Variants in TBL1X observed in about 807,000 individuals in gnomAD.
TBL1X encodes F-box-like/WD repeat-containing protein TBL1X.
Under a neutral mutation model 50.7 loss-of-function variants are expected in TBL1X, and 10 were observed. The observed-to-expected ratio is 0.20, with a 90% confidence interval of 0.12 to 0.33. The LOEUF (loss-of-function observed/expected upper bound fraction) is 0.33. TBL1X is among the 10% of genes least tolerant of loss of function. TBL1X has a pLI of 1.00. For missense variants in TBL1X, 340 were observed against 504.4 expected (o/e 0.67, Z 3.12); for synonymous variants, 190 against 214.7 (o/e 0.88, Z 1.01).
At chrX:9,541,224 A>G (rs963512257) in intron 2 of TBL1X, among the ~76,000 whole-genome samples, 1 of 111,544 alleles carries the variant, frequency 9.0e-6, no homozygotes, top group African/African-American at 3.3e-5. Context: ...CTTATTCATC[A>G]AATGTTAGGT....
intron 2 of TBL1X, among the ~76,000 whole-genome samples, chrX:9,606,059 T>C (rs778449086): frequency 2.7e-4 from 30 of 112,376 alleles, no homozygotes; most frequent in African/African-American, 9.4e-4. Context: ...TCAGGGTCTC[T>C]CGTGAGGTTG....
rs752482347 is a variant in TBL1X, at chrX:9,479,267, G to A, written c.-201+13820G>A. The stretch of plus-strand genomic sequence containing the variant: ...TCGAGACCAGCCTGACCAACATGGT[G>A]AAACCCCATCTCTACTAAAAATACA... On this transcript the variant is annotated intron_variant, in intron 1 of 17. Transcript: ENST00000645353. Among the ~76,000 whole-genome samples the A allele has an allele frequency of 2.0e-4, 23 of 112,530 alleles. No individual in the cohort carries two copies. In the Middle Eastern group the frequency reaches 0.023, roughly 112 times the overall value.
chrX:9,649,603 A>G (rs1357225398), intron 3 of TBL1X, among the ~76,000 whole-genome samples: 1 of 111,936 alleles, frequency 8.9e-6, no homozygotes, highest in Non-Finnish European at 1.9e-5. Flanking sequence ...AAATTAGAGG[A>G]ACAGATAATT....
At chrX:9,666,969 CA>C (rs1316115709) in intron 5 of TBL1X, among the ~76,000 whole-genome samples, 8 of 111,863 alleles carry the variant, frequency 7.2e-5, no homozygotes, top group Non-Finnish European at 1.5e-4. Flanking sequence ...TTGTCTAGTT[CA>C]GGGGATTTTA....
intron 1 of TBL1X, among the ~76,000 whole-genome samples, chrX:9,490,305 C>T (rs910048560): frequency 9.0e-6 from 1 of 111,673 alleles, no homozygotes; most frequent in African/African-American, 3.3e-5. Flanking sequence ...TCCTTGATTC[C>T]ATCTTAGAGC....
intron 2 of TBL1X, among the ~76,000 whole-genome samples, chrX:9,624,760 G>A (rs763222814): frequency 1.8e-5 from 2 of 111,911 alleles, no homozygotes; most frequent in African/African-American, 6.5e-5. Context: ...ACATGAAGAC[G>A]TTGTTAAATA....
intron 2 of TBL1X, among the ~76,000 whole-genome samples, chrX:9,624,701 G>A (rs935155551): frequency 8.9e-5 from 10 of 111,791 alleles, no homozygotes; most frequent in Non-Finnish European, 1.3e-4. Context: ...CTATTAGACT[G>A]GTAAAGTGGG....
chrX:9,491,329 TATATA>T (rs1375380229), intron 1 of TBL1X, among the ~76,000 whole-genome samples: 96 of 29,275 alleles, frequency 3.3e-3, no homozygotes, highest in African/African-American at 0.011. Context: ...TATATATATA[TATATA>T]TATATTTTTT....
At chrX:9,702,130 T>C (rs1432961420) in intron 12 of TBL1X, among the ~76,000 whole-genome samples, 1 of 111,420 alleles carries the variant, frequency 9.0e-6, no homozygotes, top group East Asian at 2.8e-4. Context: ...AGTTCAGCGC[T>C]GACTGCCTTT....
At chrX:9,633,438 A>G (rs1418063640) in intron 2 of TBL1X, among the ~76,000 whole-genome samples, 1 of 111,577 alleles carries the variant, frequency 9.0e-6, no homozygotes, top group African/African-American at 3.3e-5. Flanking sequence ...TGAGGAAATA[A>G]TGAATGCATT....
intron 2 of TBL1X, among the ~76,000 whole-genome samples, chrX:9,638,540 T>G (rs1163141801): frequency 8.9e-6 from 1 of 112,317 alleles, no homozygotes; most frequent in African/African-American, 3.2e-5. Flanking sequence ...AGATGATAAG[T>G]TAATTATACT....
At chrX:9,506,819 G>T (rs747344230) in intron 2 of TBL1X, among the ~76,000 whole-genome samples, 11 of 111,948 alleles carry the variant, frequency 9.8e-5, no homozygotes, top group African/African-American at 3.6e-4. Context: ...AAAAGCCCAG[G>T]ACCAAATGGA....
At chrX:9,654,078 T>A in intron 4 of TBL1X, 137 bp from the exon 5 acceptor site, 1 of 495,329 alleles carries the variant, frequency 2.0e-6, no homozygotes, top group East Asian at 3.8e-5. Flanking sequence ...ATCACATAAT[T>A]ATAAAATATA....
At chrX:9,639,814 A>C (rs1235612107) in intron 2 of TBL1X, 1 of 111,932 alleles carries the variant, frequency 8.9e-6, no homozygotes, top group African/African-American at 3.2e-5. Context: ...GCGATGGGGA[A>C]TGTTTAGCTA....
chrX:9,483,893 C>T (rs916751870), intron 1 of TBL1X, among the ~76,000 whole-genome samples: 6 of 111,891 alleles, frequency 5.4e-5, no homozygotes, highest in Non-Finnish European at 1.1e-4. Flanking sequence ...GGTCTTTATC[C>T]GAATGGAGTC....
intron 2 of TBL1X, among the ~76,000 whole-genome samples, chrX:9,563,172 C>T (rs779203529): frequency 8.9e-6 from 1 of 112,816 alleles, no homozygotes; most frequent in South Asian, 3.6e-4. Context: ...AAGTTGCCTT[C>T]AGTGGCCTTG....
intron 3 of TBL1X, among the ~76,000 whole-genome samples, chrX:9,649,632 C>G (rs2082822984): frequency 8.9e-6 from 1 of 111,967 alleles, no homozygotes; most frequent in African/African-American, 3.3e-5. Context: ...CCCGTAATCC[C>G]CATCTCCTCA....
chrX:9,670,475 G>A (rs2082954589), intron 5 of TBL1X, among the ~76,000 whole-genome samples: 1 of 111,794 alleles, frequency 8.9e-6, no homozygotes, highest in Non-Finnish European at 1.9e-5. Flanking sequence ...CCGTACAGCC[G>A]GCTCTGCATG....
intron 2 of TBL1X, among the ~76,000 whole-genome samples, chrX:9,536,951 G>A (rs1276665334): frequency 8.9e-6 from 1 of 112,072 alleles, no homozygotes; most frequent in Non-Finnish European, 1.9e-5. Flanking sequence ...TGTTTTGAAT[G>A]CGCCAAGAAA....
Sources: gnomAD v4.1 joint callset for allele counts (sites outside exome capture counted in the v4.1 genomes callset) on GRCh38, gnomAD v4.1.1 for gene constraint, MANE v1.5 for transcripts, NCBI Gene and HGNC (gene_info 2026-07-23, HGNC 2026-07-21) for gene names.